Variants in EVA1C observed in about 807,000 individuals in gnomAD.
EVA1C encodes protein eva-1 homolog C.
In EVA1C, 25 loss-of-function variants were observed where a neutral mutation model predicts 45.4. The ratio of observed to expected loss-of-function variants is 0.55; its 90% CI spans 0.40 to 0.77. The LOEUF (loss-of-function observed/expected upper bound fraction) is 0.77, where lower values mean the gene tolerates loss of function less well. Ranked by LOEUF, EVA1C falls within the 30% of genes least tolerant of loss-of-function variation. The probability of loss-of-function intolerance (pLI) is 0.00; values close to 1 mark genes in which losing one functional copy is unlikely to be tolerated. For missense variants in EVA1C, 479 were observed against 554.8 expected (o/e 0.86, Z 1.37); for synonymous variants, 190 against 221.2 (o/e 0.86, Z 1.25).
At chr21:32,444,091 C>CAAAA (rs370906329) in intron 1 of EVA1C, among the ~76,000 whole-genome samples, 2 of 146,390 alleles carry the variant, frequency 1.4e-5, no homozygotes, top group Non-Finnish European at 3.0e-5. Context: ...CACACACACA[C>CAAAA]AAACTCAAAG....
chr21:32,488,989 T>C (rs1189016940), intron 4 of EVA1C, among the ~76,000 whole-genome samples: 1 of 152,262 alleles, frequency 6.6e-6, no homozygotes, highest in Admixed American at 6.5e-5. Context: ...ATAAGTTCCT[T>C]ATATATTTGA....
Position 32,476,180 on chromosome 21 carries a change from T to G in EVA1C, c.634+8332T>G, listed in dbSNP as rs761827205. Reference sequence around the variant, plus strand: ...CTGTTGGGATCTTTATTGATTTATTTTATGAGTTCTTGGCAGAGTAGGGAT... The same window carrying G: ...CTGTTGGGATCTTTATTGATTTATTGTATGAGTTCTTGGCAGAGTAGGGAT... On this transcript the variant is annotated intron_variant, in intron 4 of 7. Coordinates refer to ENST00000300255, the MANE Select transcript of EVA1C (RefSeq NM_058187.5). Among the ~76,000 whole-genome samples, 15 of 152,316 alleles carry G rather than the reference T, an allele frequency of 9.8e-5. No individual in the cohort carries two copies. The Middle Eastern group carries it at 0.01, about 104-fold the overall frequency.
At chr21:32,493,212 T>C (rs539708513) in intron 4 of EVA1C, among the ~76,000 whole-genome samples, 6 of 152,298 alleles carry the variant, frequency 3.9e-5, no homozygotes, top group Admixed American at 1.3e-4. Flanking sequence ...CCTTGCTCTT[T>C]AAGCCTGTAA....
chr21:32,431,580 A>G (rs186792745), intron 1 of EVA1C, among the ~76,000 whole-genome samples: 1 of 152,186 alleles, frequency 6.6e-6, no homozygotes, highest in East Asian at 1.9e-4. Context: ...AGATGATCCT[A>G]TTACATCGCC....
intron 1 of EVA1C, among the ~76,000 whole-genome samples, chr21:32,432,955 C>CTCTT (rs1316039401): frequency 1.3e-5 from 2 of 152,238 alleles, no homozygotes; most frequent in Non-Finnish European, 2.9e-5. Context: ...TGATCTTGAA[C>CTCTT]TCTTGGCTTC....
intron 1 of EVA1C, among the ~76,000 whole-genome samples, chr21:32,440,304 G>A (rs1016667466): frequency 3.9e-5 from 6 of 152,186 alleles, no homozygotes; most frequent in African/African-American, 1.2e-4. Flanking sequence ...TGAGGATTAC[G>A]CTGTGTCCCG....
At chr21:32,441,944 C>T (rs1015275023) in intron 1 of EVA1C, among the ~76,000 whole-genome samples, 1 of 152,162 alleles carries the variant, frequency 6.6e-6, no homozygotes, top group African/African-American at 2.4e-5. Flanking sequence ...CCACTTGTGA[C>T]AGCAGACGGG....
intron 2 of EVA1C, 44 bp from the exon 3 acceptor site, chr21:32,457,553 T>G (rs1315147660): frequency 6.2e-7 from 1 of 1,613,020 alleles, no homozygotes; most frequent in South Asian, 1.1e-5. Flanking sequence ...GCAGTCACTG[T>G]GAGCAGTTTT....
intron 1 of EVA1C, among the ~76,000 whole-genome samples, chr21:32,422,699 T>C (rs1286314585): frequency 6.6e-6 from 1 of 152,160 alleles, no homozygotes; most frequent in African/African-American, 2.4e-5. Context: ...CCATCAGTCC[T>C]GAATTATATA....
intron 6 of EVA1C, among the ~76,000 whole-genome samples, chr21:32,503,487 C>CA (rs2037624369): frequency 6.6e-6 from 1 of 152,096 alleles, no homozygotes; most frequent in South Asian, 2.1e-4. Context: ...TAGATGGTTG[C>CA]AGTGAGCCAA....
At chr21:32,481,560 A>G (rs1454586076) in intron 4 of EVA1C, among the ~76,000 whole-genome samples, 1 of 151,976 alleles carries the variant, frequency 6.6e-6, no homozygotes, top group Non-Finnish European at 1.5e-5. Flanking sequence ...TTACTCCTAG[A>G]TAAACTTTTC....
intron 1 of EVA1C, among the ~76,000 whole-genome samples, chr21:32,436,973 C>G (rs796100569): frequency 6.6e-6 from 1 of 151,896 alleles, no homozygotes; most frequent in African/African-American, 2.4e-5. Flanking sequence ...CAGCCTAGCC[C>G]ATATGGTGAA....
chr21:32,494,987 G>A (rs778215058), intron 4 of EVA1C, 40 bp from the exon 5 acceptor site: 96 of 1,606,916 alleles, frequency 6.0e-5, no homozygotes, highest in Non-Finnish European at 8.0e-5. Context: ...GGCCCTGTGT[G>A]GGATGCAACC....
intron 1 of EVA1C, among the ~76,000 whole-genome samples, chr21:32,439,450 G>A (rs1431660849): frequency 2.0e-5 from 3 of 152,102 alleles, no homozygotes; most frequent in Non-Finnish European, 2.9e-5. Flanking sequence ...CCGTGTGGAC[G>A]CCCGTATTTC....
Position 32,453,412 on chromosome 21 carries a change from G to T in EVA1C, c.261G>T (p.Ser87=). The part of the protein sequence containing the change: ...CPRHSTISVQ[S]AFYGQDYQMC... ...GGCATTCTACGATAAGTGTCCAATC[G>T]GCATTTTATGGGCAAGATTACCAAA... Residue 87 remains serine (S), a synonymous_variant, in exon 2 of 8, where the codon TCG becomes TCT. Coordinates refer to ENST00000300255, the MANE Select transcript of EVA1C (RefSeq NM_058187.5). 6.2e-7 allele frequency: 1 copy of T among 1,611,440 alleles called. No individual in the cohort carries two copies. Among genetic ancestry groups the T allele is most frequent in the Non-Finnish European group, 8.5e-7 (1 of 1,179,438 alleles).
At chr21:32,484,238 A>G (rs1361717723) in intron 4 of EVA1C, among the ~76,000 whole-genome samples, 1 of 152,104 alleles carries the variant, frequency 6.6e-6, no homozygotes, top group African/African-American at 2.4e-5. Context: ...AGAAGGAACT[A>G]CCATTTAATA....
At chr21:32,454,843 C>T (rs1429548027) in intron 2 of EVA1C, among the ~76,000 whole-genome samples, 1 of 152,140 alleles carries the variant, frequency 6.6e-6, no homozygotes, top group African/African-American at 2.4e-5. Flanking sequence ...CACACCATCC[C>T]TTGCTTCCAC....
chr21:32,474,547 C>G lies in EVA1C; in HGVS notation c.634+6699C>G, dbSNP rs1326764317. On this transcript the variant is annotated intron_variant, in intron 4 of 7. Transcript: ENST00000300255. This position sits in a 1 kb window ranked among gnomAD's most constrained non-coding sequence, Gnocchi z 4.4. ...CCTCTCTGGCGACCCTTTTGTTGGA[C>G]TTTCTCCACAGCATGGAGATAGACC... Among the ~76,000 whole-genome samples the G allele has an allele frequency of 6.6e-6, 1 of 152,228 alleles. No individual in the cohort carries two copies. The highest frequency in any genetic ancestry group is 1.5e-5 in the Non-Finnish European group (1 of 68,050).
In EVA1C at chr21:32,480,240, G is replaced by C. The variant is rs750216230; in HGVS notation, c.634+12392G>C. On this transcript the variant is annotated intron_variant, in intron 4 of 7. Transcript: ENST00000300255. ...CACTTGAGCCCAGGAGTTGGAGGCT[G>C]TGGTGAGCAATAATCGTGCCACTAC... is the stretch of plus-strand genomic sequence containing the variant. Among the ~76,000 whole-genome samples, 80 of 140,224 alleles carry C rather than the reference G, an allele frequency of 5.7e-4. 1 individual carries two copies. The highest frequency in any genetic ancestry group is 9.3e-4 in the Non-Finnish European group (62 of 66,776). 92.0% of individuals were successfully genotyped at this position (140,224 alleles called of 152,430 possible).
Sources: gnomAD v4.1 joint callset for allele counts (sites outside exome capture counted in the v4.1 genomes callset) on GRCh38, gnomAD v4.1.1 for gene constraint, Gnocchi (gnomAD v3.1) non-coding constraint, MANE v1.5 for transcripts, NCBI Gene and HGNC (gene_info 2026-07-23, HGNC 2026-07-21) for gene names.